Variants in WDFY4 observed in about 807,000 individuals in gnomAD.
The protein encoded by WDFY4 is WDFY family member 4, also known as WD repeat- and FYVE domain-containing protein 4.
Under a neutral mutation model 351.9 loss-of-function variants are expected in WDFY4, and 169 were observed. The ratio of observed to expected loss-of-function variants is 0.48; its 90% CI spans 0.42 to 0.55. The LOEUF (loss-of-function observed/expected upper bound fraction) is 0.55. WDFY4 is among the 20% of genes least tolerant of loss of function. WDFY4 has a pLI of 0.00. For missense variants in WDFY4, 3,803 were observed against 3,935.6 expected (o/e 0.97, Z 0.90); for synonymous variants, 1,622 against 1,574.6 (o/e 1.03, Z -0.71).
chr10:48,823,064 A>G (rs2067877522), intron 35 of WDFY4: 1 of 1,163,152 alleles, frequency 8.6e-7, no homozygotes, highest in East Asian at 5.7e-5. Context: ...ACCTGTACAA[A>G]TGCATACCTG....
intron 1 of WDFY4, among the ~76,000 whole-genome samples, chr10:48,693,263 G>A (rs538384057): frequency 6.6e-6 from 1 of 152,266 alleles, no homozygotes; most frequent in East Asian, 1.9e-4. Context: ...GACAGTGTGG[G>A]GTGGATGGGA....
intron 47 of WDFY4, among the ~76,000 whole-genome samples, chr10:48,912,117 A>G (rs537293473): frequency 6.6e-6 from 1 of 152,384 alleles, no homozygotes; most frequent in East Asian, 1.9e-4. Flanking sequence ...TGAAGGTGTG[A>G]GAGTGTGGTA....
At chr10:48,828,031 A>G (rs2068063583) in intron 36 of WDFY4, among the ~76,000 whole-genome samples, 1 of 152,128 alleles carries the variant, frequency 6.6e-6, no homozygotes, top group African/African-American at 2.4e-5. Flanking sequence ...GATTGACTTC[A>G]TTCTAGAAAT....
chr10:48,742,561 C>T (rs948536579), intron 11 of WDFY4, among the ~76,000 whole-genome samples: 1 of 152,168 alleles, frequency 6.6e-6, no homozygotes, highest in African/African-American at 2.4e-5. Context: ...ATATGGTTTC[C>T]ATCTCGTGGA....
At chr10:48,870,301 T>A (rs1157013764) in intron 40 of WDFY4, among the ~76,000 whole-genome samples, 3 of 151,896 alleles carry the variant, frequency 2.0e-5, no homozygotes, top group Admixed American at 2.0e-4. Context: ...CTTTGGGAGG[T>A]TGGGCAGTAG....
chr10:48,878,466 G>T (rs1265557746), intron 43 of WDFY4: 3 of 152,204 alleles, frequency 2.0e-5, no homozygotes. Flanking sequence ...TCAGCAAATT[G>T]CTTTGCTGTT....
intron 1 of WDFY4, among the ~76,000 whole-genome samples, chr10:48,709,413 C>CAAAAAA (rs1182833509): frequency 0.44 from 176 of 398 alleles, 78 homozygotes; most frequent in African/African-American, 0.45. Context: ...GACTCCGTCT[C>CAAAAAA]AAAAAAAAAA....
chr10:48,930,910 A>T (rs1839957427), intron 47 of WDFY4, among the ~76,000 whole-genome samples: 1 of 152,180 alleles, frequency 6.6e-6, no homozygotes, highest in African/African-American at 2.4e-5. Flanking sequence ...CCCCATACCC[A>T]GAAAAGAGGA....
chr10:48,940,616 A>C (rs768226700), intron 47 of WDFY4, among the ~76,000 whole-genome samples: 1 of 152,164 alleles, frequency 6.6e-6, no homozygotes, highest in Admixed American at 6.5e-5. Context: ...AGGTACCTGA[A>C]TAGAACTGTG....
rs1215415761 is a variant in WDFY4, at chr10:48,776,922, G to A, written c.3036G>A (p.Gln1012=). 9.7e-6 allele frequency: 15 copies of A among 1,552,182 alleles called. No individual in the cohort carries two copies. Among genetic ancestry groups the A allele is most frequent in the African/African-American group, 2.7e-5 (2 of 73,066 alleles). The change falls in exon 16 of 62, where the codon CAG becomes CAA. Residue 1012 remains glutamine (Q), a synonymous_variant. Coordinates refer to ENST00000325239, the MANE Select transcript of WDFY4 (RefSeq NM_001394531.1). ...CCATGACCTCCCCACGCAACCTGCA[G>A]CCTCAGAGGGCAGCCCTGGCCCCAT... The part of the protein sequence containing the change: ...LISMTSPRNL[Q]PQRAALAPSF...
At chr10:48,897,392 G>A (rs1164418289) in intron 44 of WDFY4, 62 bp from the exon 45 acceptor site, 2 of 1,527,236 alleles carry the variant, frequency 1.3e-6, no homozygotes, top group Non-Finnish European at 8.8e-7. Flanking sequence ...AGAAGAAGAA[G>A]CCTGCACGTG....
intron 47 of WDFY4, chr10:48,914,143 C>A (rs778615169): frequency 6.2e-7 from 1 of 1,612,748 alleles, no homozygotes; most frequent in African/African-American, 1.3e-5. Context: ...GGGCCTTTCT[C>A]ACCCTTAACC....
At chr10:48,893,879 C>T (rs188586288) in intron 44 of WDFY4, among the ~76,000 whole-genome samples, 3 of 152,280 alleles carry the variant, frequency 2.0e-5, no homozygotes, top group South Asian at 4.1e-4. Flanking sequence ...TTTTGCAGAT[C>T]CTGCTGGCTG....
rs74130619 is a variant in WDFY4 at position 48,731,040 on chromosome 10, A to G, written c.1130-70A>G. ...CTTCAAATGGCATGCCCTCTTAGTA[A>G]TGAAAACATCTATTTGTAGACACAG... On this transcript the variant is annotated intron_variant, in intron 8 of 61. Coordinates refer to ENST00000325239, the MANE Select transcript of WDFY4 (RefSeq NM_001394531.1). 3.8e-3 allele frequency: 5,416 copies of G among 1,425,488 alleles called. 178 individuals are homozygous for G. The African/African-American group carries it at 0.068, about 18-fold the overall frequency. 88.3% of individuals were successfully genotyped at this position (1,425,488 alleles called of 1,614,324 possible). A position where few individuals can be genotyped will look rare whatever the true frequency, so the allele number is the denominator to read the frequency against.
intron 19 of WDFY4, among the ~76,000 whole-genome samples, chr10:48,780,942 T>G (rs2066200315): frequency 6.6e-6 from 1 of 152,164 alleles, no homozygotes; most frequent in Non-Finnish European, 1.5e-5. Context: ...TTCTAGGTGA[T>G]TCTAATATGC....
chr10:48,869,628 A>G (rs2069686527), intron 40 of WDFY4, among the ~76,000 whole-genome samples: 1 of 150,852 alleles, frequency 6.6e-6, no homozygotes, highest in Admixed American at 6.6e-5. Context: ...CCTTGTCCAC[A>G]TTATCTTCAT....
At chr10:48,830,063 G>A (rs1465408579) in intron 37 of WDFY4, among the ~76,000 whole-genome samples, 2 of 152,218 alleles carry the variant, frequency 1.3e-5, no homozygotes, top group African/African-American at 2.4e-5. Flanking sequence ...CCAGAGAGGG[G>A]ACTCATTGGT....
At chr10:48,795,732 G>GGATGGCT (rs1198321584) in intron 23 of WDFY4, among the ~76,000 whole-genome samples, 3 of 151,912 alleles carry the variant, frequency 2.0e-5, no homozygotes, top group African/African-American at 7.3e-5. Context: ...ATATGCCAAT[G>GGATGGCT]GATGGCTGGG....
chr10:48,873,762 G>T, intron 41 of WDFY4, 65 bp downstream of exon 41: 1 of 1,501,360 alleles, frequency 6.7e-7, no homozygotes, highest in South Asian at 1.2e-5. Context: ...AGCAGCTCCT[G>T]AGCTTCCCCA....
Sources: gnomAD v4.1 joint callset for allele counts (sites outside exome capture counted in the v4.1 genomes callset) on GRCh38, gnomAD v4.1.1 for gene constraint, MANE v1.5 for transcripts, NCBI Gene and HGNC (gene_info 2026-07-23, HGNC 2026-07-21) for gene names.